The following PPIL6 variants were observed in gnomAD, a reference collection of about 807,000 sequenced individuals.
PPIL6 encodes the protein probable inactive peptidyl-prolyl cis-trans isomerase-like 6.
PPIL6 carries 39 observed loss-of-function variants against 36.8 expected under a neutral mutation model. The observed-to-expected ratio is 1.06, with a 90% confidence interval of 0.82 to 1.38. PPIL6 has a LOEUF of 1.38. Among genes scored for constraint, PPIL6 ranks in the 40% most tolerant of loss-of-function variants. The probability of loss-of-function intolerance (pLI) is 0.00; values close to 1 mark genes in which losing one functional copy is unlikely to be tolerated. For synonymous variants in PPIL6, 123 were observed against 134.1 expected (o/e 0.92, Z 0.57); for missense variants, 368 against 379.1 (o/e 0.97, Z 0.24).
chr6:109,435,542 T>G (rs1447859093), intron 2 of PPIL6, among the ~76,000 whole-genome samples: 2 of 152,120 alleles, frequency 1.3e-5, no homozygotes, highest in Non-Finnish European at 2.9e-5. Context: ...ATGATCGGCC[T>G]GCCTTGGCCT....
chr6:109,404,581 G>A (rs946558406), intron 6 of PPIL6, among the ~76,000 whole-genome samples: 53 of 152,314 alleles, frequency 3.5e-4, no homozygotes, highest in African/African-American at 1.2e-3. Context: ...GTAGAAACTC[G>A]GTTATACCAT....
chr6:109,424,458 C>T (rs982234563), intron 5 of PPIL6, among the ~76,000 whole-genome samples: 4 of 152,166 alleles, frequency 2.6e-5, no homozygotes, highest in African/African-American at 9.7e-5. Context: ...TGCCTGGAGG[C>T]ATCCTAAGGC....
chr6:109,423,006 T>G (rs1054863215), intron 5 of PPIL6, among the ~76,000 whole-genome samples: 6 of 152,208 alleles, frequency 3.9e-5, no homozygotes, highest in African/African-American at 1.2e-4. Context: ...CTCTGGACTA[T>G]GGATTTCCAC....
chr6:109,409,849 A>C (rs1300493094), intron 6 of PPIL6, among the ~76,000 whole-genome samples: 8 of 152,380 alleles, frequency 5.3e-5, no homozygotes, highest in African/African-American at 1.7e-4. Context: ...TACAACACTG[A>C]TGAAAGAAAC....
chr6:109,414,129 A>G (rs1029201860), intron 6 of PPIL6, among the ~76,000 whole-genome samples: 9 of 152,212 alleles, frequency 5.9e-5, no homozygotes, highest in Non-Finnish European at 1.0e-4. Context: ...TAACACACAG[A>G]ATAACTGCTT....
At chr6:109,402,943 A>T (rs1379064047) in intron 6 of PPIL6, 2 of 816,052 alleles carry the variant, frequency 2.5e-6, no homozygotes, top group Non-Finnish European at 3.7e-6. Context: ...CTAGCTTTGC[A>T]GACATAAAGT....
chr6:109,435,371 C>T (rs1774388872), intron 2 of PPIL6, among the ~76,000 whole-genome samples: 1 of 148,406 alleles, frequency 6.7e-6, no homozygotes, highest in Non-Finnish European at 1.5e-5. Context: ...GATCTTGGCT[C>T]ACTGCAACCT....
intron 7 of PPIL6, among the ~76,000 whole-genome samples, chr6:109,395,024 C>T (rs921643568): frequency 6.6e-5 from 10 of 152,194 alleles, no homozygotes; most frequent in African/African-American, 2.2e-4. Context: ...AATGGTACCA[C>T]CCCTCCAACC....
Position 109,392,866 on chromosome 6 carries a change from T to G in PPIL6, c.896A>C (p.His299Pro), listed in dbSNP as rs1405023762. The stretch of plus-strand genomic sequence containing the variant: ...TCCACTGTCAGTAATTCTACACATA[T>G]GTATTGGTCTTTCATTCTGTGTTGG... The part of the protein sequence containing the change: ...LVPTQNERPI[H>P]MCRITDSGDP... Residue 299 changes from histidine to proline, a missense_variant, in exon 8 of 8, where the codon CAT (histidine) becomes CCT (proline). Transcript: ENST00000521072. 1.2e-6 allele frequency: 2 copies of G among 1,604,868 alleles called. No homozygotes were observed. The highest frequency in any genetic ancestry group is 1.7e-6 in the Non-Finnish European group (2 of 1,172,806).
Position 109,415,327 on chromosome 6 carries a change from G to A in PPIL6, c.688+3860C>T, listed in dbSNP as rs57145377. 4.8e-4 allele frequency among the ~76,000 whole-genome samples: 73 copies of A among 152,270 alleles called. 1 individual carries two copies. The highest frequency in any genetic ancestry group is 3.4e-3 in the Middle Eastern group (1 of 294). The stretch of plus-strand genomic sequence containing the variant: ...TAAAAGAAGTCAAAAGTAGTCTTGA[G>A]TAACTGGAACCCTTCCGCCAGATTG... On this transcript the variant is annotated intron_variant, in intron 6 of 7. Transcript: ENST00000521072.
chr6:109,405,131 T>G (rs1772744597), intron 6 of PPIL6: 1 of 351,514 alleles, frequency 2.8e-6, no homozygotes, highest in African/African-American at 2.3e-5. Flanking sequence ...CACAGAAAAC[T>G]AATGTATAAA....
intron 6 of PPIL6, among the ~76,000 whole-genome samples, chr6:109,412,227 AAC>A (rs2115223659): frequency 6.6e-6 from 1 of 152,304 alleles, no homozygotes; most frequent in African/African-American, 2.4e-5. Flanking sequence ...GTGACTGTAA[AAC>A]TGTCCTGAGC....
chr6:109,440,995 C>T, upstream of PPIL6: 1 of 918,124 alleles, frequency 1.1e-6, no homozygotes, highest in Non-Finnish European at 1.7e-6. Context: ...GGGCTTGGTG[C>T]CCACCTGTGC....
intron 7 of PPIL6, among the ~76,000 whole-genome samples, chr6:109,396,486 A>G (rs1464751596): frequency 6.6e-6 from 1 of 152,096 alleles, no homozygotes; most frequent in Non-Finnish European, 1.5e-5. Context: ...TGACTTGTAG[A>G]TAAGATGCTC....
chr6:109,395,194 G>A (rs1351349969), intron 7 of PPIL6, among the ~76,000 whole-genome samples: 1 of 152,060 alleles, frequency 6.6e-6, no homozygotes, highest in African/African-American at 2.4e-5. Flanking sequence ...ATCACTTGAG[G>A]TCAGGAGTTC....
chr6:109,418,764 A>T (rs1333590688), intron 6 of PPIL6, among the ~76,000 whole-genome samples: 1 of 151,544 alleles, frequency 6.6e-6, no homozygotes, highest in Non-Finnish European at 1.5e-5. Flanking sequence ...CTGATCTCGA[A>T]CTCCTGACCT....
intron 5 of PPIL6, among the ~76,000 whole-genome samples, chr6:109,425,705 G>A (rs1056429140): frequency 2.7e-5 from 4 of 148,724 alleles, no homozygotes; most frequent in African/African-American, 7.5e-5. Flanking sequence ...AGCCGAGATC[G>A]TGCCACTGCA....
At chr6:109,436,710 G>T (rs149309293) in intron 1 of PPIL6, among the ~76,000 whole-genome samples, 1,747 of 152,050 alleles carry the variant, frequency 0.011, 38 homozygotes, top group African/African-American at 0.04. Context: ...GACAGAGTGG[G>T]ACTCTATTTC....
chr6:109,416,441 G>A (rs1476758894), intron 6 of PPIL6, among the ~76,000 whole-genome samples: 1 of 150,966 alleles, frequency 6.6e-6, no homozygotes, highest in Non-Finnish European at 1.5e-5. Context: ...GACCTCAGGT[G>A]ATCCACCCGC....
Sources: allele counts gnomAD v4.1 joint callset (sites outside exome capture counted in the v4.1 genomes callset), GRCh38; gene constraint gnomAD v4.1.1; transcripts MANE v1.5; gene names NCBI Gene and HGNC (gene_info 2026-07-23, HGNC 2026-07-21).